Variants in GRIK5 observed in about 807,000 individuals in gnomAD.
GRIK5 encodes the protein glutamate receptor ionotropic, kainate 5.
Under a neutral mutation model 97.4 loss-of-function variants are expected in GRIK5, and 43 were observed. The observed-to-expected ratio is 0.44, with a 90% CI of 0.35 to 0.57. GRIK5 has a LOEUF of 0.57. GRIK5 is among the 20% of genes least tolerant of loss of function. GRIK5 has a pLI of 0.01. For synonymous variants in GRIK5, 580 were observed against 583.5 expected (o/e 0.99, Z 0.09); for missense variants, 1,015 against 1,382.0 (o/e 0.73, Z 4.21).
chr19:42,024,305 T>C (rs921583412), intron 12 of GRIK5, among the ~76,000 whole-genome samples: 3 of 151,296 alleles, frequency 2.0e-5, no homozygotes, highest in African/African-American at 7.3e-5. Context: ...TTCTGCCTCC[T>C]GGGTTCAAGC....
intron 11 of GRIK5, among the ~76,000 whole-genome samples, chr19:42,050,666 A>G (rs1269122116): frequency 6.6e-6 from 1 of 151,834 alleles, no homozygotes; most frequent in African/African-American, 2.4e-5. Flanking sequence ...TCAAAAAAAA[A>G]AAAAAAAAAA....
At chr19:42,005,405 G>C (rs1429394740) in intron 17 of GRIK5, among the ~76,000 whole-genome samples, 2 of 152,100 alleles carry the variant, frequency 1.3e-5, no homozygotes, top group African/African-American at 4.8e-5. Flanking sequence ...TAGGAAACAA[G>C]ACCAGGTCCT....
At chr19:42,000,566 G>C (rs2075415709) in intron 19 of GRIK5, among the ~76,000 whole-genome samples, 1 of 152,228 alleles carries the variant, frequency 6.6e-6, no homozygotes, top group Non-Finnish European at 1.5e-5. Flanking sequence ...AGATATCCAA[G>C]TGGAGATACC....
intron 12 of GRIK5, among the ~76,000 whole-genome samples, chr19:42,023,986 T>G (rs1008815194): frequency 6.6e-5 from 10 of 152,310 alleles, no homozygotes; most frequent in Non-Finnish European, 1.3e-4. Flanking sequence ...CCTGCCAGCC[T>G]CCCCTCATAT....
chr19:42,061,945 G>A (rs2076265341), intron 5 of GRIK5, among the ~76,000 whole-genome samples: 2 of 152,190 alleles, frequency 1.3e-5, no homozygotes, highest in African/African-American at 4.8e-5. Context: ...TTCAGCCACT[G>A]GGAGTATCTG....
chr19:42,049,320 A>G (rs2076083021), intron 11 of GRIK5, among the ~76,000 whole-genome samples: 1 of 152,166 alleles, frequency 6.6e-6, no homozygotes, highest in Non-Finnish European at 1.5e-5. Flanking sequence ...ACCCAACAGA[A>G]ACACCAGTAC....
intron 12 of GRIK5, among the ~76,000 whole-genome samples, chr19:42,039,300 C>A (rs147552833): frequency 0.089 from 13,550 of 152,176 alleles, 803 homozygotes; most frequent in Middle Eastern, 0.17. Flanking sequence ...ATGGCGAAAC[C>A]CATCTCTACT....
At chr19:42,059,182 G>C (rs979312720) in intron 6 of GRIK5, among the ~76,000 whole-genome samples, 167 bp downstream of exon 6, 2 of 152,178 alleles carry the variant, frequency 1.3e-5, no homozygotes, top group Non-Finnish European at 2.9e-5. Context: ...CACACAACCA[G>C]GAAGCAGGCA....
At chr19:42,035,797 C>T (rs143773633) in intron 12 of GRIK5, among the ~76,000 whole-genome samples, 17 of 152,258 alleles carry the variant, frequency 1.1e-4, no homozygotes, top group African/African-American at 3.9e-4. Context: ...GGTGTAAGAA[C>T]ATCATGTATA....
At chr19:42,029,525 C>A (rs1199414363) in intron 12 of GRIK5, among the ~76,000 whole-genome samples, 1 of 152,034 alleles carries the variant, frequency 6.6e-6, no homozygotes, top group Non-Finnish European at 1.5e-5. Context: ...TTGCAGTGAG[C>A]CGAGATCGCG....
intron 12 of GRIK5, among the ~76,000 whole-genome samples, chr19:42,033,954 C>T (rs528130929): frequency 9.9e-5 from 15 of 152,164 alleles, no homozygotes; most frequent in African/African-American, 3.4e-4. Flanking sequence ...GAGCCGTGGT[C>T]GTGCCACTGC....
At chr19:42,000,959 C>G (rs905675795) in intron 19 of GRIK5, among the ~76,000 whole-genome samples, 29 of 152,220 alleles carry the variant, frequency 1.9e-4, no homozygotes, top group Middle Eastern at 6.8e-3. Context: ...TGGGGAGAGA[C>G]TACCCCTCCC....
Position 42,003,313 on chromosome 19 carries a change from C to CCCCCCCCCCCCCCCA in GRIK5, c.2514+18_2514+19insTGGGGGGGGGGGGGG. On this transcript the variant is annotated intron_variant, in intron 19 of 19. Transcript: ENST00000593562. This position sits in a 1 kb window ranked among gnomAD's most constrained non-coding sequence, Gnocchi z 4.2. ...TGGGGGTCCCTGTTCCTGCCCACCCCCACCCCCAGCCTCCTCACCTCCTCG... is the reference window on the plus strand; with the variant it reads ...TGGGGGTCCCTGTTCCTGCCCACCCCCCCCCCCCCCCCCCACACCCCCAGCCTCCTCACCTCCTCG... 1 of 1,585,566 alleles carries CCCCCCCCCCCCCCCA rather than the reference C, an allele frequency of 6.3e-7. No individual in the cohort carries two copies. Among genetic ancestry groups the CCCCCCCCCCCCCCCA allele is most frequent in the Non-Finnish European group, 8.6e-7 (1 of 1,156,918 alleles).
intron 15 of GRIK5, among the ~76,000 whole-genome samples, chr19:42,016,481 A>G (rs1045660106): frequency 1.1e-4 from 17 of 152,228 alleles, no homozygotes; most frequent in African/African-American, 3.6e-4. Context: ...CCTGGTACAC[A>G]CCATGCACCC....
chr19:42,045,955 G>C (rs1224896202), intron 11 of GRIK5, among the ~76,000 whole-genome samples: 1 of 152,194 alleles, frequency 6.6e-6, no homozygotes, highest in Non-Finnish European at 1.5e-5. Context: ...AGTGGATATG[G>C]GAGAAGCCAG....
chr19:42,059,274 G>A (rs2076227676), intron 6 of GRIK5, 75 bp downstream of exon 6: 2 of 1,158,790 alleles, frequency 1.7e-6, no homozygotes, highest in Non-Finnish European at 2.5e-6. Flanking sequence ...GAGGCCCATG[G>A]GCATTGGGTG....
chr19:42,034,494 C>A (rs560999613), intron 12 of GRIK5, among the ~76,000 whole-genome samples: 1 of 152,174 alleles, frequency 6.6e-6, no homozygotes, highest in African/African-American at 2.4e-5. Flanking sequence ...CTCAACCACA[C>A]TTTTCCCCTC....
intron 15 of GRIK5, among the ~76,000 whole-genome samples, chr19:42,018,188 G>A (rs1359771998): frequency 6.6e-6 from 1 of 150,608 alleles, no homozygotes; most frequent in East Asian, 1.9e-4. Flanking sequence ...GCCAGGCATG[G>A]TGTTGGGCGC....
In GRIK5 at chr19:42,003,669, C is replaced by T. The variant is rs1555871684; in HGVS notation, c.2278G>A (p.Asp760Asn). Residue 760 changes from aspartate (D) to asparagine (N), a missense_variant, in exon 18 of 20, where the codon GAT becomes AAT. Asp to Asn is a conservative substitution (Grantham distance 23). This residue lies in a region of GRIK5 where 229 missense variants were observed against 341.0 expected (regional missense o/e 0.67). Coordinates refer to ENST00000593562, the MANE Select transcript of GRIK5 (RefSeq NM_002088.5). This position sits in a 1 kb window ranked among gnomAD's most constrained non-coding sequence, Gnocchi z 4.2. ...IGMPLGSPFR[D>N]EITLAILQLQ... Reference sequence around the variant, plus strand: ...TGCAGGATGGCCAGTGTGATCTCATCCCGGAACGGGGAGCCTGGGCAGGCA... The same window carrying T: ...TGCAGGATGGCCAGTGTGATCTCATTCCGGAACGGGGAGCCTGGGCAGGCA... 2 of 1,612,062 alleles carry T rather than the reference C, an allele frequency of 1.2e-6. No homozygotes were observed. The highest frequency in any genetic ancestry group is 1.7e-5 in the Admixed American group (1 of 59,814).
Sources: allele counts gnomAD v4.1 joint callset (sites outside exome capture counted in the v4.1 genomes callset), GRCh38; gene constraint gnomAD v4.1.1; regional missense constraint gnomAD v4.1.1; non-coding constraint Gnocchi (gnomAD v3.1); transcripts MANE v1.5; gene names NCBI Gene and HGNC (gene_info 2026-07-23, HGNC 2026-07-21).